MCF2L2: variants seen among roughly 807,000 people sequenced by gnomAD.
MCF2L2 encodes the protein probable guanine nucleotide exchange factor MCF2L2.
MCF2L2 carries 102 observed loss-of-function variants against 150.2 expected under a neutral mutation model. That is an observed-to-expected ratio of 0.68 (90% CI 0.58 to 0.80). The LOEUF is 0.80. Ranked by LOEUF, MCF2L2 falls within the 30% of genes least tolerant of loss-of-function variation. The probability of loss-of-function intolerance (pLI) is 0.00; values close to 1 mark genes in which losing one functional copy is unlikely to be tolerated. For synonymous variants in MCF2L2, 465 were observed against 491.3 expected, an observed-to-expected ratio of 0.95 and a Z score of 0.71; for missense variants, 1,256 against 1,372.8, an observed-to-expected ratio of 0.91 and a Z score of 1.34.
In MCF2L2 at chr3:183,179,439, C is replaced by A; in HGVS notation, c.3286G>T (p.Ala1096Ser). 1.3e-6 allele frequency: 2 copies of A among 1,582,492 alleles called. No homozygotes were observed. Among genetic ancestry groups the A allele is most frequent in the South Asian group, 1.1e-5 (1 of 88,144 alleles). ...GCCCTCGCCTGGAAACCAGCCGTCGCCCCCGCAGGAGCCAGCCGGCCCGTG... is the reference window on the plus strand; with the variant it reads ...GCCCTCGCCTGGAAACCAGCCGTCGACCCCGCAGGAGCCAGCCGGCCCGTG... The part of the protein sequence containing the change: ...ASTGRLAPAG[A>S]TAGFQARALR... The change falls in exon 30 of 30, where the codon GCG becomes TCG. Residue 1096 changes from alanine to serine, a missense_variant. Coordinates refer to ENST00000328913, the MANE Select transcript of MCF2L2 (RefSeq NM_015078.4). The surrounding 1 kb of genome is among the most constrained non-coding windows in gnomAD (Gnocchi z 4.2).
chr3:183,327,615 A>C (rs1730104671), intron 5 of MCF2L2, among the ~76,000 whole-genome samples: 1 of 152,214 alleles, frequency 6.6e-6, no homozygotes, highest in South Asian at 2.1e-4. Context: ...TACCTTCCTG[A>C]ATAAGCACGT....
chr3:183,260,531 C>T (rs1402257353), intron 15 of MCF2L2, among the ~76,000 whole-genome samples: 1 of 152,156 alleles, frequency 6.6e-6, no homozygotes, highest in African/African-American at 2.4e-5. Context: ...CATAATCAAA[C>T]TGGTTACTGG....
chr3:183,292,200 T>C (rs1449869666), intron 13 of MCF2L2, among the ~76,000 whole-genome samples: 4 of 152,112 alleles, frequency 2.6e-5, no homozygotes, highest in Non-Finnish European at 5.9e-5. Flanking sequence ...TCGTAAATTG[T>C]ACTAAATGGA....
chr3:183,398,044 T>TACATACAGTATAC (rs1293887354), intron 1 of MCF2L2, among the ~76,000 whole-genome samples: 8 of 152,202 alleles, frequency 5.3e-5, no homozygotes, highest in African/African-American at 1.9e-4. Context: ...TATATATGTA[T>TACATACAGTATAC]AGAGGTACTG....
intron 22 of MCF2L2, among the ~76,000 whole-genome samples, chr3:183,212,367 T>C (rs1560344851): frequency 1.3e-5 from 2 of 152,186 alleles, no homozygotes; most frequent in Non-Finnish European, 2.9e-5. Context: ...TGTCACACGG[T>C]GTGTGGAAGA....
At position 183,181,078 on chromosome 3, in the gene MCF2L2, C is replaced by T. The variant is rs144920202; in HGVS notation, c.3017-919G>A. Among the ~76,000 whole-genome samples, 280 of 152,298 alleles carry T rather than the reference C, an allele frequency of 1.8e-3. 1 individual carries two copies. Among genetic ancestry groups the T allele is most frequent in the African/African-American group, 6.3e-3 (263 of 41,550 alleles). ...CGTGCTAGGAAAGTGTCTGCTCAGGCGAGAATTCAGGGAGGTTTGGGCAGG... is the reference window on the plus strand; with the variant it reads ...CGTGCTAGGAAAGTGTCTGCTCAGGTGAGAATTCAGGGAGGTTTGGGCAGG... On this transcript the variant is annotated intron_variant, in intron 27 of 29. Coordinates refer to ENST00000328913, the MANE Select transcript of MCF2L2 (RefSeq NM_015078.4). This position sits in a 1 kb window ranked among gnomAD's most constrained non-coding sequence, Gnocchi z 4.3.
chr3:183,295,787 A>AT lies in MCF2L2; in HGVS notation c.1498-311dup, dbSNP rs1728467922. 2.0e-5 allele frequency among the ~76,000 whole-genome samples: 3 copies of AT among 152,000 alleles called. No homozygotes were observed. The South Asian group carries it at 6.2e-4, about 32-fold the overall frequency. On this transcript the variant is annotated intron_variant, in intron 12 of 29. Transcript: ENST00000328913. ...AGCCTGGTCAACATGGTGAAATCAC[A>AT]TCTCTACTAAAAATACAAAAATTAG... is the stretch of plus-strand genomic sequence containing the variant.
intron 15 of MCF2L2, among the ~76,000 whole-genome samples, chr3:183,239,984 C>G (rs996228686): frequency 6.6e-6 from 1 of 152,156 alleles, no homozygotes; most frequent in Non-Finnish European, 1.5e-5. Context: ...TTTCTAGGGT[C>G]CCTAAAACAC....
At chr3:183,393,708 G>A (rs1398690361) in intron 1 of MCF2L2, among the ~76,000 whole-genome samples, 2 of 152,212 alleles carry the variant, frequency 1.3e-5, no homozygotes, top group Non-Finnish European at 2.9e-5. Flanking sequence ...AGACTCTTAC[G>A]CGATGAAATA....
intron 2 of MCF2L2, among the ~76,000 whole-genome samples, chr3:183,388,863 A>C (rs1713977963): frequency 6.6e-6 from 1 of 152,090 alleles, no homozygotes; most frequent in Non-Finnish European, 1.5e-5. Context: ...AAGAGATGTG[A>C]CTTTTTTTTT....
intron 3 of MCF2L2, chr3:183,372,072 G>T (rs1439900546): frequency 1.3e-5 from 2 of 151,614 alleles, no homozygotes; most frequent in Non-Finnish European, 2.9e-5. Context: ...ATGGGAGGCA[G>T]GTTTGTCTGA....
chr3:183,216,134 C>T (rs1172882596), intron 21 of MCF2L2, 40 bp from the exon 22 acceptor site: 4 of 1,604,910 alleles, frequency 2.5e-6, no homozygotes, highest in East Asian at 2.2e-5. Flanking sequence ...CAAAAGTATA[C>T]CATCTGCAAA....
At chr3:183,351,192 AT>A (rs1731105102) in intron 3 of MCF2L2, among the ~76,000 whole-genome samples, 1 of 24,092 alleles carries the variant, frequency 4.2e-5, no homozygotes, top group African/African-American at 1.4e-4. Context: ...TTTCTTAAGT[AT>A]ATATATATAT....
intron 15 of MCF2L2, chr3:183,254,188 T>C (rs1228238329): frequency 1.3e-5 from 2 of 151,352 alleles, no homozygotes; most frequent in East Asian, 2.0e-4. Flanking sequence ...GGCGAGGAGG[T>C]GAGGGCACGC....
intron 3 of MCF2L2, among the ~76,000 whole-genome samples, chr3:183,370,888 C>A (rs372457386): frequency 3.3e-5 from 5 of 152,202 alleles, no homozygotes; most frequent in African/African-American, 1.2e-4. Context: ...TCTCTGGTAT[C>A]CTCCCTGAGG....
In MCF2L2 at chr3:183,213,981, C is replaced by T. The variant is rs181006141; in HGVS notation, c.2496+1988G>A. ...GTCAAAAAAGGTCCTTTGCTTTTTG[C>T]GTGTAAAATCTCCAAATTCTGTAAG... On this transcript the variant is annotated intron_variant, in intron 22 of 29. Coordinates refer to ENST00000328913, the MANE Select transcript of MCF2L2 (RefSeq NM_015078.4). 3.4e-3 allele frequency among the ~76,000 whole-genome samples: 515 copies of T among 152,246 alleles called. 1 individual carries two copies. Among genetic ancestry groups the T allele is most frequent in the Middle Eastern group, 0.01 (3 of 294 alleles).
At chr3:183,284,288 C>T (rs946518112) in intron 14 of MCF2L2, among the ~76,000 whole-genome samples, 3 of 152,196 alleles carry the variant, frequency 2.0e-5, no homozygotes, top group Non-Finnish European at 4.4e-5. Context: ...AATCCAGATC[C>T]AACTTAATGA....
At chr3:183,293,215 C>T (rs1395236881) in intron 13 of MCF2L2, among the ~76,000 whole-genome samples, 1 of 152,136 alleles carries the variant, frequency 6.6e-6, no homozygotes, top group African/African-American at 2.4e-5. Flanking sequence ...GACAATATCG[C>T]ACAAGATAGA....
chr3:183,338,870 C>T lies in MCF2L2; in HGVS notation c.416G>A (p.Arg139His), dbSNP rs770556492. The T allele has an allele frequency of 2.5e-6, 4 of 1,606,860 alleles. No individual in the cohort carries two copies. Among genetic ancestry groups the T allele is most frequent in the Non-Finnish European group, 2.6e-6 (3 of 1,174,816 alleles). Reference sequence around the variant, plus strand: ...GTCAGTGAATGTCCTCTGGATAAAGCGAGATGGACGAAGGATGAATATGAG... The same window carrying T: ...GTCAGTGAATGTCCTCTGGATAAAGTGAGATGGACGAAGGATGAATATGAG... ...LQLIFILRPS[R>H]FIQRTFTDIG... The change falls in exon 5 of 30, where the codon CGC (arginine) becomes CAC (histidine). Residue 139 changes from arginine (R) to histidine (H), a missense_variant. Physicochemically the swap from Arg to His is conservative, Grantham distance 29. Coordinates refer to ENST00000328913, the MANE Select transcript of MCF2L2 (RefSeq NM_015078.4).
Sources: gnomAD v4.1 joint callset for allele counts (sites outside exome capture counted in the v4.1 genomes callset) on GRCh38, gnomAD v4.1.1 for gene constraint, Gnocchi (gnomAD v3.1) non-coding constraint, MANE v1.5 for transcripts, NCBI Gene and HGNC (gene_info 2026-07-23, HGNC 2026-07-21) for gene names.